Variants in EBF2 observed in about 807,000 individuals in gnomAD.
EBF2 encodes the protein transcription factor COE2.
EBF2 carries 21 observed loss-of-function variants against 72.8 expected under a neutral mutation model. The observed-to-expected ratio is 0.29, with a 90% CI of 0.20 to 0.42. The LOEUF is 0.42. EBF2 is among the 10% of genes least tolerant of loss of function. The probability of loss-of-function intolerance (pLI) is 1.00; values close to 1 mark genes in which losing one functional copy is unlikely to be tolerated. For synonymous variants in EBF2, 299 were observed against 274.2 expected, an observed-to-expected ratio of 1.09 and a Z score of -0.89; for missense variants, 637 against 731.2, an observed-to-expected ratio of 0.87 and a Z score of 1.49.
At chr8:25,935,402 C>T (rs915740969) in intron 6 of EBF2, among the ~76,000 whole-genome samples, 5 of 152,128 alleles carry the variant, frequency 3.3e-5, no homozygotes, top group African/African-American at 4.8e-5. Context: ...CCTCCAGGGC[C>T]GCATCAATAA....
Position 26,002,412 on chromosome 8 carries a change from C to G in EBF2, c.551+30673G>C, listed in dbSNP as rs373762877. Among the ~76,000 whole-genome samples the G allele has an allele frequency of 1.1e-4, 17 of 152,342 alleles. No individual in the cohort carries two copies. The South Asian group carries it at 3.1e-3, about 28-fold the overall frequency. ...AGCAGGCTCACTGCGAGGCAGCCAG[C>G]GCCGAGCCTACCCAACGCCTTTTGT... On this transcript the variant is annotated intron_variant, in intron 6 of 15. Transcript: ENST00000520164.
chr8:25,916,337 C>A (rs545972978), intron 6 of EBF2, among the ~76,000 whole-genome samples: 60 of 146,308 alleles, frequency 4.1e-4, no homozygotes, highest in African/African-American at 5.3e-4. Flanking sequence ...ACAACAACAA[C>A]AAAAAAACAC....
At chr8:25,940,683 G>T (rs1472760739) in intron 6 of EBF2, among the ~76,000 whole-genome samples, 4 of 151,206 alleles carry the variant, frequency 2.6e-5, no homozygotes, top group Non-Finnish European at 5.9e-5. Context: ...TTCTTAGTGG[G>T]CCATCCAAAA....
chr8:25,978,567 A>G (rs967338717), intron 6 of EBF2, among the ~76,000 whole-genome samples: 2 of 152,142 alleles, frequency 1.3e-5, no homozygotes, highest in African/African-American at 4.8e-5. Flanking sequence ...AGCTAAAGAA[A>G]ACAAGGTGCA....
intron 6 of EBF2, among the ~76,000 whole-genome samples, chr8:25,924,606 T>A (rs1223897922): frequency 6.6e-6 from 1 of 152,196 alleles, no homozygotes; most frequent in Non-Finnish European, 1.5e-5. Context: ...GTCTGAAACA[T>A]CTTTGGAAAC....
rs770220805 is a variant in EBF2 at position 26,044,749 on chromosome 8, G to T, written c.111C>A (p.Asp37Glu). ...RSWVRNVGVV[D>E]ANVAAQSGVA... is the part of the protein sequence containing the mutation. ...GTTACCTCTGCGCGGCGACATTAGCGTCCACCACTCCGACATTCCGGACCC... is the reference window on the plus strand; with the variant it reads ...GTTACCTCTGCGCGGCGACATTAGCTTCCACCACTCCGACATTCCGGACCC... The change falls in exon 1 of 16, where the codon GAC becomes GAA. Residue 37 changes from aspartate (D) to glutamate (E), a missense_variant. Physicochemically the swap from Asp to Glu is conservative, Grantham distance 45. Transcript: ENST00000520164. This position sits in a 1 kb window ranked among gnomAD's most constrained non-coding sequence, Gnocchi z 4.1. 3 of 1,613,960 alleles carry T rather than the reference G, an allele frequency of 1.9e-6. No homozygotes were observed. The highest frequency in any genetic ancestry group is 2.7e-5 in the African/African-American group (2 of 74,894).
intron 14 of EBF2, among the ~76,000 whole-genome samples, chr8:25,854,359 C>A (rs1020118394): frequency 1.3e-5 from 2 of 152,080 alleles, no homozygotes; most frequent in Non-Finnish European, 2.9e-5. Flanking sequence ...ATTCTTATGA[C>A]CTGGGTCTGC....
chr8:25,864,947 G>A (rs544242874), intron 10 of EBF2, among the ~76,000 whole-genome samples: 15 of 151,998 alleles, frequency 9.9e-5, no homozygotes, highest in Admixed American at 2.0e-4. Context: ...ACAGGCGCGC[G>A]CCACCATGCC....
intron 5 of EBF2, among the ~76,000 whole-genome samples, chr8:26,034,370 C>T (rs1055599006): frequency 6.6e-5 from 10 of 152,186 alleles, no homozygotes; most frequent in Admixed American, 3.9e-4. Flanking sequence ...CTTTCCAAGA[C>T]GTCCCTCTTG....
In EBF2 at chr8:25,875,206, C is replaced by T. The variant is rs147841579; in HGVS notation, c.1009+11549G>A. On this transcript the variant is annotated intron_variant, in intron 10 of 15. Transcript: ENST00000520164. Reference sequence around the variant, plus strand: ...CTGGTCCAACAGCAAAGAGGGAGGACGCTCCCCAGAGCTGCATGTATCCTC... The same window carrying T: ...CTGGTCCAACAGCAAAGAGGGAGGATGCTCCCCAGAGCTGCATGTATCCTC... Among the ~76,000 whole-genome samples the T allele has an allele frequency of 6.3e-3, 965 of 152,298 alleles. 12 individuals carry two copies. Among genetic ancestry groups the T allele is most frequent in the African/African-American group, 0.021 (871 of 41,564 alleles).
chr8:25,875,438 A>G (rs1390159080), intron 10 of EBF2, among the ~76,000 whole-genome samples: 2 of 152,210 alleles, frequency 1.3e-5, no homozygotes, highest in Non-Finnish European at 2.9e-5. Flanking sequence ...GCTCTCTTCT[A>G]TACAACAGAC....
rs191273445 is a variant in EBF2 at position 26,020,053 on chromosome 8, G to C, written c.551+13032C>G. On this transcript the variant is annotated intron_variant, in intron 6 of 15. Transcript: ENST00000520164. ...GGTGGAGCAGGTCAGGCACAGGATG[G>C]AGAAAGATAAGAAAGATGTGCCCCA... 2.4e-4 allele frequency among the ~76,000 whole-genome samples: 36 copies of C among 152,242 alleles called. No homozygotes were observed. The East Asian group carries it at 5.6e-3, about 24-fold the overall frequency.
At chr8:25,856,492 C>T (rs114813544) in intron 14 of EBF2, among the ~76,000 whole-genome samples, 2,065 of 152,266 alleles carry the variant, frequency 0.014, 48 homozygotes, top group African/African-American at 0.047. Flanking sequence ...TCTCTTACAA[C>T]GGATAATGAT....
intron 7 of EBF2, among the ~76,000 whole-genome samples, chr8:25,890,125 C>CA (rs1245393252): frequency 6.6e-6 from 1 of 152,142 alleles, no homozygotes; most frequent in Non-Finnish European, 1.5e-5. Context: ...AGAAAATGAC[C>CA]ATCTGCCTGC....
At chr8:25,892,230 A>G (rs535472678) in intron 7 of EBF2, among the ~76,000 whole-genome samples, 5 of 152,240 alleles carry the variant, frequency 3.3e-5, no homozygotes, top group Non-Finnish European at 7.3e-5. Context: ...AGATATTGAA[A>G]TAAAAGTATA....
At chr8:25,984,042 C>T (rs531287825) in intron 6 of EBF2, among the ~76,000 whole-genome samples, 3 of 152,316 alleles carry the variant, frequency 2.0e-5, no homozygotes, top group African/African-American at 7.2e-5. Context: ...CAGCACATAG[C>T]TGCGGGTACC....
At position 25,842,941 on chromosome 8, in the gene EBF2, C is replaced by T. The variant is rs1801764874; in HGVS notation, c.*1668G>A. 1 of 152,168 alleles carries T rather than the reference C, an allele frequency of 6.6e-6. No individual in the cohort carries two copies. The highest frequency in any genetic ancestry group is 2.4e-5 in the African/African-American group (1 of 41,434). The allele number at this position is 152,168 out of a possible 1,614,324, so 9.4% of individuals were successfully genotyped here. On this transcript the variant is annotated 3_prime_UTR_variant, in exon 16 of 16. Coordinates refer to ENST00000520164, the MANE Select transcript of EBF2 (RefSeq NM_022659.4). ...CCCAAACTAAGTCTGTGTATAGACT[C>T]TATTGTGGTGCTCATGAGTCAATAA... is the stretch of plus-strand genomic sequence containing the variant.
chr8:25,939,433 G>A (rs1036969382), intron 6 of EBF2, among the ~76,000 whole-genome samples: 8 of 152,142 alleles, frequency 5.3e-5, no homozygotes, highest in Admixed American at 2.0e-4. Flanking sequence ...GTTTGCGTCC[G>A]TGTGTGTTTG....
At chr8:25,880,669 G>A (rs1041500761) in intron 10 of EBF2, among the ~76,000 whole-genome samples, 1 of 152,084 alleles carries the variant, frequency 6.6e-6, no homozygotes, top group Admixed American at 6.5e-5. Flanking sequence ...TTTAATGTCT[G>A]GCAGGGCAAG....
Sources: allele counts gnomAD v4.1 joint callset (sites outside exome capture counted in the v4.1 genomes callset), GRCh38; gene constraint gnomAD v4.1.1; non-coding constraint Gnocchi (gnomAD v3.1); transcripts MANE v1.5; gene names NCBI Gene and HGNC (gene_info 2026-07-23, HGNC 2026-07-21).